The following AGBL1 variants were observed in gnomAD, a reference collection of about 807,000 sequenced individuals.
The protein encoded by AGBL1 is AGBL carboxypeptidase 1, also known as cytosolic carboxypeptidase 4.
AGBL1 carries 130 observed loss-of-function variants against 118.9 expected under a neutral mutation model. The ratio of observed to expected loss-of-function variants is 1.09; its 90% CI spans 0.95 to 1.26. The LOEUF is 1.26. AGBL1 is among the 50% of genes most tolerant of loss of function. AGBL1 has a pLI of 0.00. For missense variants in AGBL1, 1,584 were observed against 1,298.1 expected (o/e 1.22, Z -3.38); for synonymous variants, 555 against 478.9 (o/e 1.16, Z -2.08).
chr15:86,894,031 A>G (rs1239175153), intron 22 of AGBL1, among the ~76,000 whole-genome samples: 1 of 152,126 alleles, frequency 6.6e-6, no homozygotes, highest in African/African-American at 2.4e-5. Flanking sequence ...TTTCTGATTT[A>G]TATTTTGCCC....
In AGBL1 at chr15:86,452,356, T is replaced by A. The variant is rs528578893; in HGVS notation, c.2555+54810T>A. Among the ~76,000 whole-genome samples the A allele has an allele frequency of 2.0e-5, 3 of 152,274 alleles. No individual in the cohort carries two copies. The South Asian group carries it at 6.2e-4, about 32-fold the overall frequency. ...TGGACACTTGTCTCAGAAAAATTGT[T>A]CCTGATTTCTCCTAGTGAGTGGGAG... On this transcript the variant is annotated intron_variant, in intron 18 of 22. Transcript: ENST00000614907.
At chr15:86,307,230 A>G (rs1390227480) in intron 17 of AGBL1, among the ~76,000 whole-genome samples, 1 of 151,972 alleles carries the variant, frequency 6.6e-6, no homozygotes, top group Non-Finnish European at 1.5e-5. Flanking sequence ...TAAATTGTTT[A>G]TTTTTAAAAT....
chr15:87,006,314 C>A (rs906956997), intron 24 of AGBL1, among the ~76,000 whole-genome samples: 8 of 152,156 alleles, frequency 5.3e-5, no homozygotes, highest in African/African-American at 1.7e-4. Context: ...GGCAGGCAGG[C>A]CTTCTTGAGC....
At chr15:86,753,359 C>G (rs1383015309) in intron 22 of AGBL1, among the ~76,000 whole-genome samples, 1 of 150,814 alleles carries the variant, frequency 6.6e-6, no homozygotes, top group Non-Finnish European at 1.5e-5. Context: ...CAAGAGTAAC[C>G]TGGGGCAGGA....
At chr15:86,753,786 C>T (rs2077892720) in intron 22 of AGBL1, among the ~76,000 whole-genome samples, 1 of 152,028 alleles carries the variant, frequency 6.6e-6, no homozygotes. Context: ...AACACTTGTC[C>T]AGGTTAAACT....
rs1220781046 is a variant in AGBL1, at chr15:86,397,539, A to G, written c.2548A>G (p.Asn850Asp). Residue 850 changes from asparagine (N) to aspartate (D), a missense_variant, in exon 18 of 23, where the codon AAC (asparagine) becomes GAC (aspartate). Physicochemically the swap from Asn to Asp is conservative, Grantham distance 23. Transcript: ENST00000614907. The stretch of plus-strand genomic sequence containing the variant: ...CATGCTCAACCCAGATGGTGTCATC[A>G]ACGGCAAGTATGTCAGGCACCTGGC... ...IPMLNPDGVI[N>D]GNHRCSLSGE... The G allele has an allele frequency of 6.2e-7, 1 of 1,606,852 alleles. No homozygotes were observed. Among genetic ancestry groups the G allele is most frequent in the East Asian group, 2.2e-5 (1 of 44,800 alleles).
chr15:86,298,750 G>C (rs918797714), intron 17 of AGBL1, among the ~76,000 whole-genome samples: 1 of 152,098 alleles, frequency 6.6e-6, no homozygotes, highest in Non-Finnish European at 1.5e-5. Context: ...GGCATGAGTG[G>C]AAATAAAGGT....
At chr15:86,246,118 C>G (rs1445969661) in intron 6 of AGBL1, among the ~76,000 whole-genome samples, 3 of 152,192 alleles carry the variant, frequency 2.0e-5, no homozygotes, top group Non-Finnish European at 4.4e-5. Context: ...CTCCTGGCCT[C>G]AAGCCGTCCT....
intron 17 of AGBL1, among the ~76,000 whole-genome samples, chr15:86,376,474 T>G (rs2081042350): frequency 6.6e-6 from 1 of 152,182 alleles, no homozygotes; most frequent in African/African-American, 2.4e-5. Context: ...CAGGAGGAAT[T>G]GAAATGCAGA....
intron 22 of AGBL1, among the ~76,000 whole-genome samples, chr15:86,865,430 C>CT (rs2141489478): frequency 6.6e-6 from 1 of 152,320 alleles, no homozygotes; most frequent in Non-Finnish European, 1.5e-5. Context: ...AAACTGAGCA[C>CT]TTCAGAAACA....
At chr15:86,867,416 G>A (rs151079025) in intron 22 of AGBL1, among the ~76,000 whole-genome samples, 271 of 152,254 alleles carry the variant, frequency 1.8e-3, no homozygotes, top group African/African-American at 6.3e-3. Flanking sequence ...TGTGGTACAT[G>A]TTTCCACTTA....
At chr15:86,571,290 G>C (rs1276210848) in intron 21 of AGBL1, among the ~76,000 whole-genome samples, 3 of 152,172 alleles carry the variant, frequency 2.0e-5, no homozygotes, top group Non-Finnish European at 4.4e-5. Flanking sequence ...TTTCAACCCT[G>C]TTTGTGTTAC....
In AGBL1 at chr15:86,948,624, C is replaced by T. The variant is rs560398122; in HGVS notation, c.3222-39363C>T. On this transcript the variant is annotated intron_variant, in intron 23 of 24. Coordinates refer to the AGBL1 transcript ENST00000441037. ...TTTCTAGCCAACGAGTGATTGAATG[C>T]GTGTGATGAGTATGTCTTCCAAAGT... Among the ~76,000 whole-genome samples the T allele has an allele frequency of 1.1e-4, 16 of 152,284 alleles. No homozygotes were observed. In the South Asian group the frequency reaches 2.1e-3, roughly 20 times the overall value.
At position 86,494,577 on chromosome 15, in the gene AGBL1, G is replaced by T. The variant is rs1027306449; in HGVS notation, c.2556-28233G>T. On this transcript the variant is annotated intron_variant, in intron 18 of 22. Transcript: ENST00000614907. ...CTCCTCAGTCAACCTAATCTTGACA[G>T]TCTCTTCAGACCTAACTTATTATCA... Among the ~76,000 whole-genome samples the T allele has an allele frequency of 3.9e-5, 6 of 152,064 alleles. No individual in the cohort carries two copies. The East Asian group carries it at 1.2e-3, about 29-fold the overall frequency.
chr15:86,647,432 G>C (rs903751741), intron 21 of AGBL1, among the ~76,000 whole-genome samples: 1 of 152,188 alleles, frequency 6.6e-6, no homozygotes, highest in African/African-American at 2.4e-5. Flanking sequence ...TGGGCGCAGC[G>C]CCTTACGCCT....
At chr15:86,930,750 G>A (rs2080594709) in intron 23 of AGBL1, among the ~76,000 whole-genome samples, 1 of 152,124 alleles carries the variant, frequency 6.6e-6, no homozygotes, top group African/African-American at 2.4e-5. Flanking sequence ...ATCCCTCTTA[G>A]GGGCCTGCCA....
At chr15:86,096,620 C>T (rs1230493076) in intron 1 of AGBL1, among the ~76,000 whole-genome samples, 1 of 152,120 alleles carries the variant, frequency 6.6e-6, no homozygotes, top group African/African-American at 2.4e-5. Flanking sequence ...AAATTAAATG[C>T]TATCCAGAAG....
chr15:86,894,970 C>A (rs2141565880), intron 22 of AGBL1, among the ~76,000 whole-genome samples: 1 of 151,362 alleles, frequency 6.6e-6, no homozygotes, highest in East Asian at 1.9e-4. Flanking sequence ...TAAGTGGTGG[C>A]AGGACACAGT....
intron 17 of AGBL1, among the ~76,000 whole-genome samples, chr15:86,326,672 G>A (rs531004419): frequency 6.9e-4 from 105 of 152,256 alleles, no homozygotes; most frequent in Non-Finnish European, 1.2e-3. Context: ...GGTATATGTT[G>A]CTTGTTGTTG....
Sources: gnomAD v4.1 joint callset for allele counts (sites outside exome capture counted in the v4.1 genomes callset) on GRCh38, gnomAD v4.1.1 for gene constraint, MANE v1.5 for transcripts, NCBI Gene and HGNC (gene_info 2026-07-23, HGNC 2026-07-21) for gene names.